The following LCOR variants were observed in gnomAD, a reference collection of about 807,000 sequenced individuals.
LCOR encodes ligand-dependent corepressor.
A neutral mutation model predicts 64.4 loss-of-function variants in LCOR; 14 were observed. That is an observed-to-expected ratio of 0.22 (90% confidence interval 0.14 to 0.34). LCOR has a LOEUF of 0.34. Ranked by LOEUF, LCOR falls within the 10% of genes least tolerant of loss-of-function variation. The pLI is 1.00. For synonymous variants in LCOR, 643 were observed against 642.5 expected, an observed-to-expected ratio of 1.00 and a Z score of -0.01; for missense variants, 1,686 against 1,765.3, an observed-to-expected ratio of 0.96 and a Z score of 0.80.
chr10:96,931,928 T>G (rs934553516), intron 4 of LCOR, among the ~76,000 whole-genome samples: 1 of 152,332 alleles, frequency 6.6e-6, no homozygotes, highest in Non-Finnish European at 1.5e-5. Flanking sequence ...TTTAAGGATA[T>G]TACTCTTTCT....
At chr10:96,961,569 C>T (rs1409594723) in intron 7 of LCOR, 2 of 151,992 alleles carry the variant, frequency 1.3e-5, no homozygotes, top group African/African-American at 4.8e-5. Flanking sequence ...AACCTGTAAC[C>T]AGTATTAGTG....
rs1017778414 is a variant in LCOR at position 96,957,085 on chromosome 10, A to G, written c.332+4889A>G. On this transcript the variant is annotated intron_variant, in intron 7 of 7. Coordinates refer to ENST00000421806, the MANE Select transcript of LCOR (RefSeq NM_001346516.2). ...TTTAGGATGCATATCAGTTCTAACA[A>G]TTCAATCAGAAGTCAAGCTCATTGG... The G allele has an allele frequency of 9.1e-6, 9 of 985,256 alleles. No homozygotes were observed. In the African/African-American group the frequency reaches 1.4e-4, roughly 15 times the overall value. The allele number at this position is 985,256 out of a possible 1,614,324, so 61.0% of individuals were successfully genotyped here.
intron 2 of LCOR, among the ~76,000 whole-genome samples, chr10:96,877,815 A>G (rs1418429750): frequency 1.3e-5 from 2 of 151,672 alleles, no homozygotes; most frequent in South Asian, 2.1e-4. Context: ...GTTTCACCGC[A>G]TTAGCCAGGA....
intron 4 of LCOR, among the ~76,000 whole-genome samples, chr10:96,920,861 A>G (rs1010634213): frequency 6.6e-6 from 1 of 151,606 alleles, no homozygotes; most frequent in Non-Finnish European, 1.5e-5. Flanking sequence ...ACAATGGTGC[A>G]AACACTGCTT....
chr10:96,852,397 G>A (rs1169031545), intron 2 of LCOR, among the ~76,000 whole-genome samples: 1 of 152,138 alleles, frequency 6.6e-6, no homozygotes, highest in Non-Finnish European at 1.5e-5. Context: ...CTCCAGCCTG[G>A]GTGGCAGAGT....
chr10:96,865,370 A>G (rs1307193514), intron 2 of LCOR, among the ~76,000 whole-genome samples: 1 of 152,166 alleles, frequency 6.6e-6, no homozygotes, highest in African/African-American at 2.4e-5. Context: ...CCTAGGCACT[A>G]GATATTTCTG....
chr10:96,839,454 A>G (rs1845501464), intron 2 of LCOR, among the ~76,000 whole-genome samples: 1 of 152,170 alleles, frequency 6.6e-6, no homozygotes, highest in South Asian at 2.1e-4. Context: ...CTGTAATCCC[A>G]GTACTATGGG....
intron 2 of LCOR, among the ~76,000 whole-genome samples, chr10:96,838,530 T>G (rs1010358722): frequency 6.6e-6 from 1 of 152,254 alleles, no homozygotes; most frequent in Non-Finnish European, 1.5e-5. Flanking sequence ...TGTTTTCTGT[T>G]TCTGTGGATT....
At chr10:96,919,435 T>C (rs1847010756) in intron 4 of LCOR, among the ~76,000 whole-genome samples, 1 of 152,182 alleles carries the variant, frequency 6.6e-6, no homozygotes, top group Non-Finnish European at 1.5e-5. Context: ...CTTCCCCTTT[T>C]ATTAGGTCTC....
intron 4 of LCOR, among the ~76,000 whole-genome samples, chr10:96,913,904 A>G (rs1046581516): frequency 2.0e-4 from 27 of 135,540 alleles, no homozygotes; most frequent in African/African-American, 9.2e-4. Context: ...ACTGTCTGGA[A>G]AAAAAAAAAA....
At chr10:96,838,955 T>C (rs188277461) in intron 2 of LCOR, among the ~76,000 whole-genome samples, 1 of 152,340 alleles carries the variant, frequency 6.6e-6, no homozygotes, top group Non-Finnish European at 1.5e-5. Flanking sequence ...TGTATGACAG[T>C]TCCGTTTATC....
At chr10:96,870,307 G>C (rs996540401) in intron 2 of LCOR, among the ~76,000 whole-genome samples, 2 of 152,072 alleles carry the variant, frequency 1.3e-5, no homozygotes, top group African/African-American at 4.8e-5. Context: ...CACCGCACCC[G>C]GCCCTAAACC....
Position 96,984,540 on chromosome 10 carries a change from C to T in LCOR, c.4080C>T (p.Ala1360=). The stretch of plus-strand genomic sequence containing the variant: ...ACCCTCTGATGTCCCCCAAGCTTGC[C>T]CTGCAAGTGGATGCAGATGGGTTTC... The part of the protein sequence containing the change: ...CINPLMSPKL[A]LQVDADGFPV... The change falls in exon 8 of 8, where the codon GCC becomes GCT. Residue 1360 remains alanine (A), a synonymous_variant. Transcript: ENST00000421806. 5.6e-6 allele frequency: 9 copies of T among 1,614,174 alleles called. No individual in the cohort carries two copies. Among genetic ancestry groups the T allele is most frequent in the Admixed American group, 1.7e-5 (1 of 60,020 alleles).
At chr10:96,975,587 C>T (rs958749378) in intron 7 of LCOR, among the ~76,000 whole-genome samples, 4 of 151,612 alleles carry the variant, frequency 2.6e-5, no homozygotes, top group Non-Finnish European at 2.9e-5. Flanking sequence ...TCCCTTTTCC[C>T]TCTCCTCTTT....
intron 7 of LCOR, among the ~76,000 whole-genome samples, chr10:96,978,411 T>C (rs1392645602): frequency 1.3e-5 from 2 of 152,198 alleles, no homozygotes; most frequent in East Asian, 3.8e-4. Context: ...ACTCAATAGG[T>C]TTTTTCTAGC....
chr10:96,984,349 C>T lies in LCOR; in HGVS notation c.3889C>T (p.Pro1297Ser), dbSNP rs780271847. The T allele has an allele frequency of 1.2e-6, 2 of 1,614,122 alleles. No homozygotes were observed. Among genetic ancestry groups the T allele is most frequent in the Admixed American group, 1.7e-5 (1 of 60,032 alleles). ...AGTCAAGGAAGATAGAAACAGTCAT[C>T]CTCCAGCAAACCTGCCCACTCCAGC... is the stretch of plus-strand genomic sequence containing the variant. The part of the protein sequence containing the change: ...EEVKEDRNSH[P>S]PANLPTPAST... The change falls in exon 8 of 8, where the codon CCT (proline) becomes TCT (serine). Residue 1297 changes from proline (P) to serine (S), a missense_variant. Physicochemically the swap from Pro to Ser is moderately conservative, Grantham distance 74. Coordinates refer to ENST00000421806, the MANE Select transcript of LCOR (RefSeq NM_001346516.2).
intron 4 of LCOR, among the ~76,000 whole-genome samples, chr10:96,920,125 C>A (rs577701404): frequency 1.3e-5 from 2 of 151,586 alleles, no homozygotes; most frequent in Admixed American, 1.3e-4. Flanking sequence ...CTAAAGGGTT[C>A]CAATTTTTCC....
intron 7 of LCOR, chr10:96,957,551 C>T (rs1847805201): frequency 2.0e-6 from 2 of 985,080 alleles, no homozygotes; most frequent in Non-Finnish European, 2.4e-6. Context: ...AATGCTTAAC[C>T]AAAAACAAAC....
intron 2 of LCOR, among the ~76,000 whole-genome samples, chr10:96,886,564 A>ATT (rs1227318698): frequency 1.3e-5 from 2 of 152,226 alleles, no homozygotes; most frequent in African/African-American, 4.8e-5. Flanking sequence ...CTTTGTAATA[A>ATT]TTGTAGATTC....
Sources: gnomAD v4.1 joint callset for allele counts (sites outside exome capture counted in the v4.1 genomes callset) on GRCh38, gnomAD v4.1.1 for gene constraint, MANE v1.5 for transcripts, NCBI Gene and HGNC (gene_info 2026-07-23, HGNC 2026-07-21) for gene names.